Variants in ASCC3 observed in about 807,000 individuals in gnomAD.
ASCC3 encodes the protein ASC-1 complex subunit P200.
In ASCC3, 158 loss-of-function variants were observed where a neutral mutation model predicts 256.3. The observed-to-expected ratio is 0.62, with a 90% CI of 0.54 to 0.70. ASCC3 has a LOEUF of 0.70. Among genes scored for constraint, ASCC3 ranks in the 30% least tolerant of loss-of-function variants. ASCC3 has a pLI of 0.00. For missense variants in ASCC3, 2,259 were observed against 2,626.0 expected (o/e 0.86, Z 3.05); for synonymous variants, 948 against 883.4 (o/e 1.07, Z -1.30).
chr6:100,638,562 C>A, intron 25 of ASCC3, 39 bp downstream of exon 25: 1 of 1,503,392 alleles, frequency 6.7e-7, no homozygotes, highest in Non-Finnish European at 9.2e-7. Flanking sequence ...TATGAACTGT[C>A]TTTTCTAATT....
At chr6:100,588,165 G>A (rs967017890) in intron 36 of ASCC3, among the ~76,000 whole-genome samples, 19 of 152,100 alleles carry the variant, frequency 1.2e-4, no homozygotes, top group African/African-American at 4.3e-4. Context: ...ATGATGGGAT[G>A]TTATTAATAT....
intron 3 of ASCC3, among the ~76,000 whole-genome samples, chr6:100,860,433 G>A (rs576660833): frequency 9.0e-4 from 137 of 152,032 alleles, no homozygotes; most frequent in Middle Eastern, 3.4e-3. Context: ...TTGTGGGGTT[G>A]GGGGTGAGAG....
intron 4 of ASCC3, among the ~76,000 whole-genome samples, chr6:100,814,273 C>T (rs781681684): frequency 6.6e-6 from 1 of 152,180 alleles, no homozygotes; most frequent in Non-Finnish European, 1.5e-5. Flanking sequence ...ACCAACCTTG[C>T]ATCCCAGGGA....
intron 10 of ASCC3, among the ~76,000 whole-genome samples, chr6:100,753,781 T>A (rs2115099580): frequency 6.6e-6 from 1 of 152,256 alleles, no homozygotes; most frequent in Admixed American, 6.6e-5. Context: ...GAGGACAGTA[T>A]ATGCTAAGAG....
intron 30 of ASCC3, among the ~76,000 whole-genome samples, chr6:100,609,627 G>C (rs1773289648): frequency 6.6e-6 from 1 of 152,134 alleles, no homozygotes; most frequent in Admixed American, 6.5e-5. Context: ...GTTGTGGCTG[G>C]GTGTGGTGGC....
intron 36 of ASCC3, among the ~76,000 whole-genome samples, chr6:100,568,791 T>TA (rs1468336075): frequency 8.9e-5 from 13 of 146,782 alleles, no homozygotes; most frequent in African/African-American, 2.8e-4. Flanking sequence ...TTATTATTAT[T>TA]TTTTGAGACA....
intron 24 of ASCC3, among the ~76,000 whole-genome samples, chr6:100,641,725 T>C (rs772331789): frequency 5.3e-5 from 8 of 152,204 alleles, no homozygotes; most frequent in Non-Finnish European, 1.2e-4. Flanking sequence ...GTATGTTTAC[T>C]GCAGCACTAT....
intron 37 of ASCC3, among the ~76,000 whole-genome samples, chr6:100,531,643 T>C (rs1774881957): frequency 6.6e-6 from 1 of 152,012 alleles, no homozygotes; most frequent in Admixed American, 6.6e-5. Flanking sequence ...AATGTCAGAA[T>C]AACCAACGTG....
intron 34 of ASCC3, among the ~76,000 whole-genome samples, chr6:100,594,485 G>A (rs1228737640): frequency 6.6e-6 from 1 of 152,072 alleles, no homozygotes; most frequent in African/African-American, 2.4e-5. Context: ...CCAGCTTTTG[G>A]GAAAAGTGAT....
chr6:100,706,691 A>G (rs1048951680), intron 13 of ASCC3, among the ~76,000 whole-genome samples: 1 of 152,088 alleles, frequency 6.6e-6, no homozygotes, highest in Admixed American at 6.6e-5. Flanking sequence ...ATAGTAAGCT[A>G]ACTGATTTTA....
At chr6:100,673,041 T>C (rs1776828276) in intron 14 of ASCC3, among the ~76,000 whole-genome samples, 1 of 152,040 alleles carries the variant, frequency 6.6e-6, no homozygotes, top group Non-Finnish European at 1.5e-5. Context: ...GTTATTCTGA[T>C]TGTGTTAATT....
At chr6:100,794,858 TAGAC>T (rs752205414) in intron 8 of ASCC3, among the ~76,000 whole-genome samples, 2 of 152,080 alleles carry the variant, frequency 1.3e-5, no homozygotes, top group African/African-American at 2.4e-5. Context: ...ACTGTGGAAA[TAGAC>T]AGAAGTCAAC....
chr6:100,757,803 T>C (rs796435412), intron 10 of ASCC3, among the ~76,000 whole-genome samples: 6 of 152,290 alleles, frequency 3.9e-5, no homozygotes, highest in African/African-American at 1.2e-4. Flanking sequence ...AGTTTCTTTC[T>C]GTGTATTCCA....
At chr6:100,821,404 AAC>A (rs1771035068) in intron 4 of ASCC3, among the ~76,000 whole-genome samples, 1 of 125,246 alleles carries the variant, frequency 8.0e-6, no homozygotes, top group Non-Finnish European at 1.9e-5. Flanking sequence ...TCCAATCAAA[AAC>A]ATGTGCACAA....
At chr6:100,608,146 C>CTATATACACATATATATGTATATATAGA (rs1773068342) in intron 30 of ASCC3, among the ~76,000 whole-genome samples, 2 of 41,090 alleles carry the variant, frequency 4.9e-5, no homozygotes, top group African/African-American at 1.4e-4. Flanking sequence ...GTATATATAT[C>CTATATACACATATATATGTATATATAGA]TATATATACA....
chr6:100,646,815 A>G (rs1201870770), intron 21 of ASCC3, 46 bp from the exon 22 acceptor site: 1 of 1,580,070 alleles, frequency 6.3e-7, no homozygotes, highest in Non-Finnish European at 8.7e-7. Flanking sequence ...AGGCAGAAAA[A>G]AGCAATATAA....
intron 30 of ASCC3, among the ~76,000 whole-genome samples, chr6:100,609,795 C>T (rs925649313): frequency 6.6e-6 from 1 of 152,016 alleles, no homozygotes; most frequent in Admixed American, 6.6e-5. Flanking sequence ...CCTGTAACCC[C>T]AGCTACTCAG....
chr6:100,605,192 T>C (rs1385366705), intron 33 of ASCC3, among the ~76,000 whole-genome samples: 1 of 152,168 alleles, frequency 6.6e-6, no homozygotes, highest in Non-Finnish European at 1.5e-5. Context: ...ATGTATTTGA[T>C]TATTATTAGT....
intron 10 of ASCC3, among the ~76,000 whole-genome samples, chr6:100,744,901 G>A (rs972949232): frequency 3.3e-5 from 5 of 152,204 alleles, no homozygotes; most frequent in Admixed American, 2.6e-4. Context: ...AAAGCATGAC[G>A]TTTGTAAACA....
Sources: gnomAD v4.1 joint callset for allele counts (sites outside exome capture counted in the v4.1 genomes callset) on GRCh38, gnomAD v4.1.1 for gene constraint, MANE v1.5 for transcripts, NCBI Gene and HGNC (gene_info 2026-07-23, HGNC 2026-07-21) for gene names.